Variants in LRRC7 observed in about 807,000 individuals in gnomAD.
The protein encoded by LRRC7 is leucine-rich repeat-containing protein 7.
In LRRC7, 23 loss-of-function variants were observed where a neutral mutation model predicts 175.7. That is an observed-to-expected ratio of 0.13 (90% CI 0.09 to 0.19). LRRC7 has a LOEUF of 0.19. Ranked by LOEUF, LRRC7 falls within the 10% of genes least tolerant of loss-of-function variation. The pLI is 1.00. For synonymous variants in LRRC7, 685 were observed against 680.9 expected, an observed-to-expected ratio of 1.01 and a Z score of -0.09; for missense variants, 1,354 against 1,904.7, an observed-to-expected ratio of 0.71 and a Z score of 5.38.
At chr1:69,710,427 C>A (rs570164411) in intron 2 of LRRC7, among the ~76,000 whole-genome samples, 1 of 152,186 alleles carries the variant, frequency 6.6e-6, no homozygotes, top group Non-Finnish European at 1.5e-5. Flanking sequence ...ACCAGCAAAG[C>A]AGTTTTGTAC....
intron 2 of LRRC7, among the ~76,000 whole-genome samples, chr1:69,703,452 G>A (rs989471493): frequency 6.6e-6 from 1 of 151,704 alleles, no homozygotes; most frequent in Non-Finnish European, 1.5e-5. Flanking sequence ...ACAAAATTTT[G>A]TTTCATTTCA....
At chr1:70,091,688 C>T (rs923209804) in intron 25 of LRRC7, among the ~76,000 whole-genome samples, 31 of 152,112 alleles carry the variant, frequency 2.0e-4, no homozygotes, top group Admixed American at 1.5e-3. Context: ...TATAGCTATT[C>T]ATTTAATTTC....
chr1:69,979,358 C>T (rs1212032558), intron 8 of LRRC7, among the ~76,000 whole-genome samples: 1 of 152,196 alleles, frequency 6.6e-6, no homozygotes, highest in African/African-American at 2.4e-5. Context: ...TTGATGTTGG[C>T]AGCAATAGCA....
At chr1:69,626,987 G>T (rs1651686600) in intron 1 of LRRC7, among the ~76,000 whole-genome samples, 1 of 151,978 alleles carries the variant, frequency 6.6e-6, no homozygotes, top group Admixed American at 6.6e-5. Flanking sequence ...TGGACATTTG[G>T]GTTGGTTCCA....
rs1666735886 is a variant in LRRC7, at chr1:70,133,008, A to G, written c.*11121A>G. Reference sequence around the variant, plus strand: ...GCAACAAATTGTGTTTCATCTCAATAAAATCCTCTAGTTTAAATTACTGCG... The same window carrying G: ...GCAACAAATTGTGTTTCATCTCAATGAAATCCTCTAGTTTAAATTACTGCG... On this transcript the variant is annotated 3_prime_UTR_variant, in exon 27 of 27. Transcript: ENST00000651989. 6.6e-6 allele frequency among the ~76,000 whole-genome samples: 1 copy of G among 152,298 alleles called. No homozygotes were observed. The highest frequency in any genetic ancestry group is 1.9e-4 in the East Asian group (1 of 5,184).
At chr1:70,113,784 C>G (rs543634588) in intron 26 of LRRC7, among the ~76,000 whole-genome samples, 27 of 151,978 alleles carry the variant, frequency 1.8e-4, no homozygotes, top group African/African-American at 6.5e-4. Flanking sequence ...ATACTCTATC[C>G]CTTGTTTCAG....
intron 1 of LRRC7, among the ~76,000 whole-genome samples, chr1:69,670,199 G>A (rs180970884): frequency 6.6e-6 from 1 of 152,078 alleles, no homozygotes; most frequent in African/African-American, 2.4e-5. Context: ...TCAAAGTCTG[G>A]GCTTGTTTGT....
At chr1:69,612,109 C>G (rs1005945076) in intron 1 of LRRC7, among the ~76,000 whole-genome samples, 7 of 151,950 alleles carry the variant, frequency 4.6e-5, no homozygotes, top group Non-Finnish European at 4.4e-5. Context: ...AGAATAATTC[C>G]TATGCTACCC....
chr1:69,784,555 T>C (rs1016125345), intron 3 of LRRC7, among the ~76,000 whole-genome samples: 5 of 152,332 alleles, frequency 3.3e-5, no homozygotes, highest in Middle Eastern at 3.4e-3. Flanking sequence ...CCTTGTTCCA[T>C]AGATTGTTGT....
At position 70,124,161 on chromosome 1, in the gene LRRC7, T is replaced by C. The variant is rs994730076; in HGVS notation, c.*2274T>C. 7.2e-5 allele frequency among the ~76,000 whole-genome samples: 11 copies of C among 152,340 alleles called. No individual in the cohort carries two copies. Among genetic ancestry groups the C allele is most frequent in the African/African-American group, 2.2e-4 (9 of 41,578 alleles). On this transcript the variant is annotated 3_prime_UTR_variant, in exon 27 of 27. Transcript: ENST00000651989. ...GATCCTTGACCAACTGGAAAAGTTA[T>C]CTGATATGCCAAAGCACCTCACTGT...
intron 2 of LRRC7, among the ~76,000 whole-genome samples, chr1:69,683,881 T>C (rs1234230123): frequency 7.0e-6 from 1 of 143,754 alleles, no homozygotes; most frequent in African/African-American, 2.5e-5. Context: ...ATTGGAACAA[T>C]TGGAACTGGA....
At chr1:69,876,149 CT>C (rs1321903623) in intron 7 of LRRC7, among the ~76,000 whole-genome samples, 2 of 152,046 alleles carry the variant, frequency 1.3e-5, no homozygotes, top group Admixed American at 1.3e-4. Context: ...TTACGGGTTT[CT>C]GGAACTTTGT....
chr1:69,679,510 T>C (rs558638081), intron 2 of LRRC7, among the ~76,000 whole-genome samples: 39 of 152,234 alleles, frequency 2.6e-4, no homozygotes, highest in African/African-American at 7.7e-4. Context: ...TGTCATTCAA[T>C]AGTGTTTTGG....
chr1:69,663,208 G>A (rs1052067750), intron 1 of LRRC7, among the ~76,000 whole-genome samples: 1 of 151,922 alleles, frequency 6.6e-6, no homozygotes, highest in Non-Finnish European at 1.5e-5. Flanking sequence ...GAGACCTACA[G>A]AAATGTGAGT....
chr1:70,016,869 A>G (rs1657007084), intron 14 of LRRC7, among the ~76,000 whole-genome samples: 1 of 152,184 alleles, frequency 6.6e-6, no homozygotes, highest in Admixed American at 6.6e-5. Context: ...CTGAAGGTAA[A>G]GAATAAGAAA....
intron 1 of LRRC7, among the ~76,000 whole-genome samples, chr1:69,653,961 G>A (rs1252224627): frequency 6.6e-6 from 1 of 151,972 alleles, no homozygotes; most frequent in Non-Finnish European, 1.5e-5. Flanking sequence ...TTGAGAGGAG[G>A]AGAAAATGGG....
chr1:70,074,816 A>G (rs945165896), intron 23 of LRRC7, among the ~76,000 whole-genome samples: 1 of 152,116 alleles, frequency 6.6e-6, no homozygotes, highest in Non-Finnish European at 1.5e-5. Flanking sequence ...TCTGAAAATG[A>G]TTTTTCATTA....
intron 23 of LRRC7, among the ~76,000 whole-genome samples, chr1:70,075,758 C>T (rs1445199294): frequency 1.3e-5 from 2 of 152,128 alleles, no homozygotes; most frequent in Non-Finnish European, 2.9e-5. Flanking sequence ...ATACAGCTCC[C>T]CTTTATTTTT....
At chr1:69,762,550 A>C (rs1456507399) in intron 3 of LRRC7, among the ~76,000 whole-genome samples, 1 of 151,954 alleles carries the variant, frequency 6.6e-6, no homozygotes, top group Admixed American at 6.6e-5. Context: ...AGTTGTGAAG[A>C]GTCTGGAACT....
Sources: allele counts gnomAD v4.1 joint callset (sites outside exome capture counted in the v4.1 genomes callset), GRCh38; gene constraint gnomAD v4.1.1; transcripts MANE v1.5; gene names NCBI Gene and HGNC (gene_info 2026-07-23, HGNC 2026-07-21).